The following EPHA6 variants were observed in gnomAD, a reference collection of about 807,000 sequenced individuals.
EPHA6 encodes EPH receptor A6.
In EPHA6, 50 loss-of-function variants were observed where a neutral mutation model predicts 112.0. That is an observed-to-expected ratio of 0.45 (90% CI 0.36 to 0.56). The LOEUF (loss-of-function observed/expected upper bound fraction) is 0.56, where lower values mean the gene tolerates loss of function less well. EPHA6 is among the 20% of genes least tolerant of loss of function. The pLI, the probability that EPHA6 is intolerant of heterozygous loss-of-function variation, is 0.00. For synonymous variants in EPHA6, 529 were observed against 490.7 expected, an observed-to-expected ratio of 1.08 and a Z score of -1.03; for missense variants, 1,280 against 1,417.4, an observed-to-expected ratio of 0.90 and a Z score of 1.56.
intron 3 of EPHA6, among the ~76,000 whole-genome samples, chr3:97,172,825 T>G (rs1231621681): frequency 6.6e-6 from 1 of 151,992 alleles, no homozygotes; most frequent in Non-Finnish European, 1.5e-5. Context: ...TTTCTGTTGC[T>G]CAAATGACCG....
intron 5 of EPHA6, among the ~76,000 whole-genome samples, chr3:97,273,912 G>A (rs936319414): frequency 2.6e-5 from 4 of 152,140 alleles, no homozygotes; most frequent in Non-Finnish European, 5.9e-5. Flanking sequence ...TTTCTGACTC[G>A]GGGCATGTGA....
intron 3 of EPHA6, among the ~76,000 whole-genome samples, chr3:97,067,620 C>T (rs1442554010): frequency 9.9e-5 from 15 of 151,688 alleles, no homozygotes; most frequent in Admixed American, 9.9e-4. Flanking sequence ...GAACCCAAGC[C>T]AAGTGGCATA....
chr3:96,900,884 C>T (rs1481935222), intron 2 of EPHA6, among the ~76,000 whole-genome samples: 4 of 152,150 alleles, frequency 2.6e-5, no homozygotes, highest in Non-Finnish European at 5.9e-5. Flanking sequence ...TATGCAAAAC[C>T]TACAGTGTTT....
chr3:96,840,853 A>G lies in EPHA6; in HGVS notation c.385+25845A>G, dbSNP rs186663851. On this transcript the variant is annotated intron_variant, in intron 1 of 17. Transcript: ENST00000389672. Reference sequence around the variant, plus strand: ...GTGGCAATGGAGTTGACAAAACTGAATTTAAAAAAATCTATTCATTTTTGT... The same window carrying G: ...GTGGCAATGGAGTTGACAAAACTGAGTTTAAAAAAATCTATTCATTTTTGT... Among the ~76,000 whole-genome samples the G allele has an allele frequency of 9.9e-5, 15 of 151,922 alleles. No individual in the cohort carries two copies. In the East Asian group the frequency reaches 2.1e-3, roughly 22 times the overall value.
intron 2 of EPHA6, among the ~76,000 whole-genome samples, chr3:96,979,027 GA>G (rs1486266983): frequency 3.3e-5 from 5 of 152,058 alleles, no homozygotes; most frequent in African/African-American, 1.2e-4. Context: ...ATGAAGTGAT[GA>G]AGATACTAAA....
At chr3:97,160,019 G>T (rs1451474720) in intron 3 of EPHA6, among the ~76,000 whole-genome samples, 1 of 152,142 alleles carries the variant, frequency 6.6e-6, no homozygotes, top group African/African-American at 2.4e-5. Context: ...TGTCTCAACT[G>T]CTGGAATATT....
At chr3:97,102,752 C>A (rs2047441971) in intron 3 of EPHA6, among the ~76,000 whole-genome samples, 1 of 151,966 alleles carries the variant, frequency 6.6e-6, no homozygotes, top group South Asian at 2.1e-4. Context: ...AAAGTATAAG[C>A]ATTTCCTTTT....
intron 2 of EPHA6, among the ~76,000 whole-genome samples, chr3:96,976,175 G>A (rs2042513863): frequency 6.6e-6 from 1 of 152,016 alleles, no homozygotes; most frequent in Admixed American, 6.6e-5. Context: ...ACTTTAAGTG[G>A]GACAGAACTA....
chr3:97,673,063 G>A (rs1336233704), intron 14 of EPHA6, among the ~76,000 whole-genome samples: 1 of 152,106 alleles, frequency 6.6e-6, no homozygotes, highest in Non-Finnish European at 1.5e-5. Flanking sequence ...ATCCCTAGGA[G>A]GGCTGCCTAT....
intron 3 of EPHA6, among the ~76,000 whole-genome samples, chr3:97,052,364 T>G (rs1241289286): frequency 1.3e-5 from 2 of 152,174 alleles, no homozygotes; most frequent in Admixed American, 6.6e-5. Flanking sequence ...TTTCCCTACT[T>G]CCTACTCTGA....
chr3:96,876,944 T>G (rs1309912327), intron 2 of EPHA6, among the ~76,000 whole-genome samples: 1 of 152,086 alleles, frequency 6.6e-6, no homozygotes, highest in East Asian at 1.9e-4. Context: ...CTCACAATAC[T>G]TAAATGTCTA....
intron 13 of EPHA6, among the ~76,000 whole-genome samples, chr3:97,634,903 T>C (rs530497930): frequency 6.6e-6 from 1 of 152,132 alleles, no homozygotes; most frequent in South Asian, 2.1e-4. Flanking sequence ...TCATAAGATT[T>C]ACTGCTTCAC....
chr3:97,286,254 C>A lies in EPHA6; in HGVS notation c.1606+41967C>A, dbSNP rs185760104. On this transcript the variant is annotated intron_variant, in intron 5 of 17. Coordinates refer to ENST00000389672, the MANE Select transcript of EPHA6 (RefSeq NM_001080448.3). ...CTTTTTAGTTTAATATACTCTATTA[C>A]TCCATTTTTTCTTTTGCTGCCTGTG... is the stretch of plus-strand genomic sequence containing the variant. 7.7e-4 allele frequency among the ~76,000 whole-genome samples: 117 copies of A among 152,184 alleles called. 1 individual carries two copies. Among genetic ancestry groups the A allele is most frequent in the African/African-American group, 2.6e-3 (110 of 41,560 alleles).
intron 3 of EPHA6, among the ~76,000 whole-genome samples, chr3:97,030,271 A>G (rs76187625): frequency 1.6e-3 from 244 of 152,104 alleles, no homozygotes; most frequent in African/African-American, 5.4e-3. Flanking sequence ...TCATCAAATC[A>G]TTTGCCATTA....
At chr3:97,555,303 C>A (rs545890323) in intron 11 of EPHA6, among the ~76,000 whole-genome samples, 2 of 152,166 alleles carry the variant, frequency 1.3e-5, no homozygotes, top group African/African-American at 4.8e-5. Context: ...TGTATATGTG[C>A]CACATTTTCT....
intron 2 of EPHA6, among the ~76,000 whole-genome samples, chr3:96,888,179 C>A (rs938081551): frequency 1.3e-5 from 2 of 152,144 alleles, no homozygotes; most frequent in African/African-American, 2.4e-5. Flanking sequence ...AATTTTACCC[C>A]CTGCTCCTCT....
intron 3 of EPHA6, among the ~76,000 whole-genome samples, chr3:97,164,438 G>A (rs906355862): frequency 2.6e-5 from 4 of 151,962 alleles, no homozygotes; most frequent in African/African-American, 9.7e-5. Context: ...GTTTTATGTA[G>A]ACTGTTCAAT....
chr3:97,493,252 GTA>G (rs760186308), intron 10 of EPHA6, among the ~76,000 whole-genome samples: 18 of 151,882 alleles, frequency 1.2e-4, no homozygotes, highest in South Asian at 2.1e-4. Flanking sequence ...GTTTGTGTTT[GTA>G]TGTGTGTGTG....
At chr3:97,600,053 T>C (rs1186282082) in intron 12 of EPHA6, among the ~76,000 whole-genome samples, 4 of 150,584 alleles carry the variant, frequency 2.7e-5, no homozygotes, top group Middle Eastern at 3.5e-3. Context: ...TCACTCATGA[T>C]TTGGCTCTCT....
Sources: allele counts gnomAD v4.1 joint callset (sites outside exome capture counted in the v4.1 genomes callset), GRCh38; gene constraint gnomAD v4.1.1; transcripts MANE v1.5; gene names NCBI Gene and HGNC (gene_info 2026-07-23, HGNC 2026-07-21).